TAFA2: variants seen among roughly 807,000 people sequenced by gnomAD.
TAFA2 encodes TAFA chemokine like family member 2.
A neutral mutation model predicts 18.8 loss-of-function variants in TAFA2; 7 were observed. The observed-to-expected ratio is 0.37, with a 90% confidence interval of 0.21 to 0.70. The LOEUF (loss-of-function observed/expected upper bound fraction) is 0.70, where lower values mean the gene tolerates loss of function less well. TAFA2 is among the 30% of genes least tolerant of loss of function. The pLI, the probability that TAFA2 is intolerant of heterozygous loss-of-function variation, is 0.53. For missense variants in TAFA2, 122 were observed against 158.1 expected (o/e 0.77, Z 1.23); for synonymous variants, 60 against 54.2 (o/e 1.11, Z -0.47).
In TAFA2 at chr12:61,839,747, A is replaced by G. The variant is rs567687349; in HGVS notation, c.106+27573T>C. ...ATAACACTGGAAGGAAGGATGAAAG[A>G]GTTGAAAACTACCTATCAGGTACTA... On this transcript the variant is annotated intron_variant, in intron 2 of 4. Transcript: ENST00000416284. Among the ~76,000 whole-genome samples, 9 of 152,216 alleles carry G rather than the reference A, an allele frequency of 5.9e-5. No homozygotes were observed. In the South Asian group the frequency reaches 1.9e-3, roughly 32 times the overall value.
intron 1 of TAFA2, among the ~76,000 whole-genome samples, chr12:62,037,248 G>C (rs1050989506): frequency 6.6e-6 from 1 of 152,116 alleles, no homozygotes. Flanking sequence ...ATCTGTGCTC[G>C]AAAACTATTG....
rs548798601 is a variant in TAFA2, at chr12:62,222,750, G to A, written c.-130+36013C>T. Among the ~76,000 whole-genome samples the A allele has an allele frequency of 4.7e-4, 71 of 151,186 alleles. 1 individual carries two copies. The highest frequency in any genetic ancestry group is 1.6e-3 in the African/African-American group (66 of 41,126). ...AGGATGGTCTCGATCTCCTGATCTC[G>A]TGATCCGCCCGCCTGGGCCTCCCAA... On this transcript the variant is annotated intron_variant, in intron 1 of 5. Coordinates refer to the TAFA2 transcript ENST00000551619.
chr12:61,951,546 T>A (rs1455579054), intron 1 of TAFA2, among the ~76,000 whole-genome samples: 2 of 151,798 alleles, frequency 1.3e-5, no homozygotes, highest in East Asian at 3.9e-4. Flanking sequence ...ATGGTAAAGA[T>A]GGGGAAAAGT....
At chr12:61,939,009 A>G (rs926187238) in intron 1 of TAFA2, among the ~76,000 whole-genome samples, 4 of 152,224 alleles carry the variant, frequency 2.6e-5, no homozygotes, top group African/African-American at 7.2e-5. Context: ...AGACTTCACC[A>G]CTATATAATT....
At chr12:62,224,413 C>T (rs929768022) in intron 1 of TAFA2, among the ~76,000 whole-genome samples, 9 of 152,028 alleles carry the variant, frequency 5.9e-5, no homozygotes, top group Admixed American at 2.0e-4. Flanking sequence ...TGAGTGCCCA[C>T]TTTCTGCTTC....
At chr12:61,936,024 T>C (rs1877750878) in intron 1 of TAFA2, among the ~76,000 whole-genome samples, 1 of 152,052 alleles carries the variant, frequency 6.6e-6, no homozygotes. Context: ...ATCACCCTGA[T>C]ACCAAAACCA....
chr12:61,951,404 A>G (rs1191847606), intron 1 of TAFA2, among the ~76,000 whole-genome samples: 4 of 152,186 alleles, frequency 2.6e-5, no homozygotes, highest in Non-Finnish European at 5.9e-5. Flanking sequence ...CTGTTTTCTT[A>G]CCCAAAAATC....
At chr12:62,206,404 G>A (rs763229283) in intron 1 of TAFA2, among the ~76,000 whole-genome samples, 5 of 152,146 alleles carry the variant, frequency 3.3e-5, no homozygotes, top group Non-Finnish European at 7.4e-5. Context: ...TTTCTAAGAA[G>A]TACAAATTTT....
chr12:62,226,342 C>T (rs374622988), intron 1 of TAFA2, among the ~76,000 whole-genome samples: 1 of 152,130 alleles, frequency 6.6e-6, no homozygotes, highest in Non-Finnish European at 1.5e-5. Context: ...TACAGGCACC[C>T]GCCACCACGC....
chr12:62,100,804 G>A (rs1480265656), intron 1 of TAFA2, among the ~76,000 whole-genome samples: 2 of 152,156 alleles, frequency 1.3e-5, no homozygotes, highest in Non-Finnish European at 2.9e-5. Context: ...TGGACTACTA[G>A]GTGAGTGGTA....
chr12:61,903,239 CT>C (rs1302991750), intron 1 of TAFA2, among the ~76,000 whole-genome samples: 2 of 151,988 alleles, frequency 1.3e-5, no homozygotes, highest in Admixed American at 1.3e-4. Flanking sequence ...TACTAGGGAT[CT>C]GGCCTCATTC....
chr12:62,011,812 G>C (rs1160725439), intron 1 of TAFA2, among the ~76,000 whole-genome samples: 1 of 149,142 alleles, frequency 6.7e-6, no homozygotes, highest in Non-Finnish European at 1.5e-5. Flanking sequence ...GCTTGTATAA[G>C]ACAGACCAGA....
At chr12:62,066,776 G>A (rs544461212) in intron 1 of TAFA2, among the ~76,000 whole-genome samples, 1 of 151,922 alleles carries the variant, frequency 6.6e-6, no homozygotes, top group African/African-American at 2.4e-5. Context: ...AATAAACAAG[G>A]GAATGCAGAT....
chr12:62,154,118 T>C (rs1169112943), intron 1 of TAFA2, among the ~76,000 whole-genome samples: 2 of 152,138 alleles, frequency 1.3e-5, no homozygotes, highest in Non-Finnish European at 2.9e-5. Flanking sequence ...TGCATGTGGA[T>C]AAACAAATGT....
chr12:61,960,508 G>A (rs1347783783), intron 1 of TAFA2, among the ~76,000 whole-genome samples: 1 of 151,976 alleles, frequency 6.6e-6, no homozygotes, highest in Non-Finnish European at 1.5e-5. Context: ...AAATTATCCT[G>A]TGAGAAATGC....
At chr12:61,860,033 G>A (rs1422930550) in intron 2 of TAFA2, among the ~76,000 whole-genome samples, 23 of 152,054 alleles carry the variant, frequency 1.5e-4, no homozygotes, top group Admixed American at 7.2e-4. Flanking sequence ...AAACAGAATC[G>A]CTAACTCAGA....
In TAFA2 at chr12:62,235,224, A is replaced by G. The variant is rs1375081445; in HGVS notation, c.-130+23539T>C. 4.5e-6 allele frequency: 3 copies of G among 661,320 alleles called. No individual in the cohort carries two copies. In the African/African-American group the frequency reaches 5.4e-5, roughly 12 times the overall value. The allele number at this position is 661,320 out of a possible 1,614,324, so 41.0% of individuals were successfully genotyped here. ...GGGAGTCGCTTAGGGGCAGTAGCTC[A>G]CGCCATGCTCAGGCAGTGGCATACT... On this transcript the variant is annotated intron_variant, in intron 1 of 5. Coordinates refer to the TAFA2 transcript ENST00000551619.
intron 1 of TAFA2, among the ~76,000 whole-genome samples, chr12:61,886,407 T>C (rs116070242): frequency 6.6e-4 from 100 of 152,322 alleles, no homozygotes; most frequent in African/African-American, 2.3e-3. Context: ...GGAATGCTGC[T>C]CCTGAAACTT....
At chr12:61,941,650 G>T (rs1238813377) in intron 1 of TAFA2, among the ~76,000 whole-genome samples, 1 of 152,230 alleles carries the variant, frequency 6.6e-6, no homozygotes, top group East Asian at 1.9e-4. Flanking sequence ...GGAAGCGCAA[G>T]GGGTCAGGGA....
Sources: gnomAD v4.1 joint callset for allele counts (sites outside exome capture counted in the v4.1 genomes callset) on GRCh38, gnomAD v4.1.1 for gene constraint, MANE v1.5 for transcripts, NCBI Gene and HGNC (gene_info 2026-07-23, HGNC 2026-07-21) for gene names.